CALN1: variants seen among roughly 807,000 people sequenced by gnomAD.
The protein encoded by CALN1 is calneuron 1, also known as calcium-binding protein 8.
CALN1 carries 17 observed loss-of-function variants against 30.6 expected under a neutral mutation model. That is an observed-to-expected ratio of 0.56 (90% CI 0.38 to 0.83). CALN1 has a LOEUF of 0.83. CALN1 is among the 40% of genes least tolerant of loss of function. The pLI, the probability that CALN1 is intolerant of heterozygous loss-of-function variation, is 0.00. For missense variants in CALN1, 291 were observed against 354.9 expected, an observed-to-expected ratio of 0.82 and a Z score of 1.45; for synonymous variants, 156 against 131.4, an observed-to-expected ratio of 1.19 and a Z score of -1.28.
intron 5 of CALN1, among the ~76,000 whole-genome samples, chr7:71,866,866 C>T (rs966235601): frequency 6.6e-6 from 1 of 151,990 alleles, no homozygotes; most frequent in Admixed American, 6.6e-5. Context: ...AAGGGCAGGC[C>T]GAGTGTGGTG....
At chr7:72,388,582 A>G (rs543678165) in intron 2 of CALN1, among the ~76,000 whole-genome samples, 2 of 152,220 alleles carry the variant, frequency 1.3e-5, no homozygotes, top group South Asian at 4.1e-4. Flanking sequence ...ACTCTGTGCT[A>G]TCTTTGCAAT....
intron 1 of CALN1, among the ~76,000 whole-genome samples, chr7:72,430,260 G>C (rs199908496): frequency 1.4e-5 from 2 of 146,466 alleles, no homozygotes; most frequent in East Asian, 3.9e-4. Context: ...TAAATTTATA[G>C]AAAATATATA....
chr7:72,448,750 T>G (rs1808597464), upstream of CALN1, among the ~76,000 whole-genome samples: 1 of 151,874 alleles, frequency 6.6e-6, no homozygotes, highest in South Asian at 2.1e-4. Context: ...GGACTACAGA[T>G]GTGCACCACC....
chr7:72,413,725 TAC>T (rs1466455639), upstream of CALN1, among the ~76,000 whole-genome samples: 7 of 151,834 alleles, frequency 4.6e-5, 1 homozygote, highest in South Asian at 4.2e-4. Context: ...CTTACACTTA[TAC>T]ACACACGCAC....
chr7:72,145,561 A>G (rs1228522347), intron 3 of CALN1, among the ~76,000 whole-genome samples: 3 of 152,214 alleles, frequency 2.0e-5, no homozygotes, highest in African/African-American at 7.2e-5. Context: ...AGCTGGTACC[A>G]TTCCTTCTGA....
At chr7:72,285,249 TTTTG>T (rs913096552) in intron 2 of CALN1, among the ~76,000 whole-genome samples, 11 of 152,152 alleles carry the variant, frequency 7.2e-5, no homozygotes, top group Admixed American at 3.9e-4. Flanking sequence ...TTTTGTTTTG[TTTTG>T]TTTGTTTTTG....
chr7:71,856,938 G>C (rs1188022424), intron 5 of CALN1, among the ~76,000 whole-genome samples: 1 of 152,078 alleles, frequency 6.6e-6, no homozygotes, highest in Non-Finnish European at 1.5e-5. Context: ...CTGGGTGACA[G>C]AGTGAGATTT....
chr7:72,028,071 A>C (rs1405091842), intron 4 of CALN1, among the ~76,000 whole-genome samples: 5 of 112,306 alleles, frequency 4.5e-5, no homozygotes, highest in Admixed American at 7.7e-5. Flanking sequence ...AAAAAAAAAA[A>C]AAAAAAAAAA....
intron 5 of CALN1, among the ~76,000 whole-genome samples, chr7:71,934,978 T>C (rs1795754020): frequency 6.6e-6 from 1 of 151,492 alleles, no homozygotes; most frequent in Admixed American, 6.6e-5. Context: ...CATGATTCAA[T>C]TACCTCCCAC....
intron 2 of CALN1, among the ~76,000 whole-genome samples, chr7:72,324,768 G>C (rs1458742962): frequency 6.6e-6 from 1 of 151,848 alleles, no homozygotes; most frequent in Non-Finnish European, 1.5e-5. Context: ...TTTTTTGGTA[G>C]AGACAGGGTT....
intron 3 of CALN1, among the ~76,000 whole-genome samples, chr7:72,213,797 G>A (rs1792579997): frequency 6.6e-6 from 1 of 152,150 alleles, no homozygotes; most frequent in African/African-American, 2.4e-5. Flanking sequence ...GAGGGAGAAG[G>A]ATGCACCCAC....
In CALN1 at chr7:71,812,929, C is replaced by CATCATT. The variant is rs1287091997; in HGVS notation, c.502-2438_502-2437insAATGAT. Among the ~76,000 whole-genome samples the CATCATT allele has an allele frequency of 6.7e-3, 912 of 136,478 alleles. 3 individuals are homozygous for CATCATT. Among genetic ancestry groups the CATCATT allele is most frequent in the African/African-American group, 0.017 (631 of 36,448 alleles). The allele number at this position is 136,478 out of a possible 152,430, so 89.5% of individuals were successfully genotyped here. ...CAGCTATTTTATTTATCATCATCAT[C>CATCATT]ATTATTATTATTATTATTATTATTA... is the stretch of plus-strand genomic sequence containing the variant. On this transcript the variant is annotated intron_variant, in intron 5 of 6. Transcript: ENST00000395275.
intron 3 of CALN1, among the ~76,000 whole-genome samples, chr7:72,259,162 C>T (rs1010546513): frequency 6.6e-6 from 1 of 151,988 alleles, no homozygotes; most frequent in Non-Finnish European, 1.5e-5. Flanking sequence ...GAAGCAGTGA[C>T]TCCCAGTTCT....
intron 2 of CALN1, among the ~76,000 whole-genome samples, chr7:72,328,727 G>T (rs184747676): frequency 6.6e-6 from 1 of 152,124 alleles, no homozygotes; most frequent in Non-Finnish European, 1.5e-5. Context: ...ACAGAGTCTC[G>T]CTCTGTTGCC....
At chr7:72,168,052 C>A (rs980460705) in intron 3 of CALN1, among the ~76,000 whole-genome samples, 1 of 152,108 alleles carries the variant, frequency 6.6e-6, no homozygotes, top group African/African-American at 2.4e-5. Context: ...AATTTGTTGC[C>A]AAATTTATGC....
At chr7:72,025,789 C>A (rs957354464) in intron 4 of CALN1, among the ~76,000 whole-genome samples, 1 of 152,176 alleles carries the variant, frequency 6.6e-6, no homozygotes, top group African/African-American at 2.4e-5. Context: ...TCAATGCCCT[C>A]TCAGAGTGCA....
At chr7:72,227,236 TAAAA>T (rs34824953) in intron 3 of CALN1, among the ~76,000 whole-genome samples, 6 of 144,106 alleles carry the variant, frequency 4.2e-5, no homozygotes, top group Non-Finnish European at 7.6e-5. Context: ...ATTAAAAGCT[TAAAA>T]AAAAAAAAAA....
chr7:72,033,368 GTCTA>G (rs1801579762), intron 4 of CALN1, among the ~76,000 whole-genome samples: 3 of 152,228 alleles, frequency 2.0e-5, no homozygotes, highest in Non-Finnish European at 2.9e-5. Flanking sequence ...AAGAAAAAAT[GTCTA>G]TCTGAGACTC....
intron 6 of CALN1, among the ~76,000 whole-genome samples, chr7:71,791,375 C>T (rs970754326): frequency 6.6e-6 from 1 of 152,154 alleles, no homozygotes; most frequent in Non-Finnish European, 1.5e-5. Flanking sequence ...GAGGAATCGC[C>T]ACACTGCTTT....
Sources: gnomAD v4.1 joint callset for allele counts (sites outside exome capture counted in the v4.1 genomes callset) on GRCh38, gnomAD v4.1.1 for gene constraint, MANE v1.5 for transcripts, NCBI Gene and HGNC (gene_info 2026-07-23, HGNC 2026-07-21) for gene names.